Variants in CLEC2A observed in about 807,000 individuals in gnomAD.
The protein encoded by CLEC2A is keratinocyte-associated C-type lectin.
In CLEC2A, 19 loss-of-function variants were observed where a neutral mutation model predicts 18.6. The ratio of observed to expected loss-of-function variants is 1.02; its 90% CI spans 0.71 to 1.50. CLEC2A has a LOEUF of 1.50. Among genes scored for constraint, CLEC2A ranks in the 40% most tolerant of loss-of-function variants. The pLI, the probability that CLEC2A is intolerant of heterozygous loss-of-function variation, is 0.00. For synonymous variants in CLEC2A, 74 were observed against 64.0 expected (o/e 1.16, Z -0.75); for missense variants, 190 against 207.9 (o/e 0.91, Z 0.53).
downstream of CLEC2A, among the ~76,000 whole-genome samples, chr12:9,909,307 AT>A (rs1463986252): frequency 6.6e-6 from 1 of 152,020 alleles, no homozygotes; most frequent in Non-Finnish European, 1.5e-5. Context: ...CTATGTTGTT[AT>A]TGTCCCACCA....
intron 2 of CLEC2A, among the ~76,000 whole-genome samples, chr12:9,924,094 T>C (rs1433539500): frequency 6.6e-6 from 1 of 151,952 alleles, no homozygotes; most frequent in Non-Finnish European, 1.5e-5. Flanking sequence ...TGTGCACATG[T>C]ACCCTAGAAC....
At chr12:9,900,241 G>A (rs1375917624) in intron 4 of CLEC2A, among the ~76,000 whole-genome samples, 4 of 152,074 alleles carry the variant, frequency 2.6e-5, no homozygotes, top group South Asian at 2.1e-4. Flanking sequence ...AGATTTTCAC[G>A]TTACCCATCC....
chr12:9,889,274 T>A, the CLEC2A span, among the ~76,000 whole-genome samples: 1 of 152,340 alleles, frequency 6.6e-6, no homozygotes, highest in African/African-American at 2.4e-5. Context: ...TTAAACAAAC[T>A]GTGATGATTA....
rs1862927898 is a variant in CLEC2A at position 9,907,911 on chromosome 12, G to A, written c.410+8789C>T. ...TACTGTAAACCATTGATGGTCACGTGGGATTTTGCTGAGGATGGTGTAAGG... is the reference window on the plus strand; with the variant it reads ...TACTGTAAACCATTGATGGTCACGTAGGATTTTGCTGAGGATGGTGTAAGG... On this transcript the variant is annotated intron_variant, in intron 4 of 4. Coordinates refer to the CLEC2A transcript ENST00000339766. Among the ~76,000 whole-genome samples the A allele has an allele frequency of 3.3e-5, 5 of 152,162 alleles. No individual in the cohort carries two copies. The South Asian group carries it at 6.2e-4, about 19-fold the overall frequency.
chr12:9,917,266 A>G (rs1290032723), intron 3 of CLEC2A, among the ~76,000 whole-genome samples: 1 of 152,166 alleles, frequency 6.6e-6, no homozygotes, highest in Middle Eastern at 3.2e-3. Flanking sequence ...GGTTTGTTAC[A>G]GAGGTAGACT....
intron 1 of CLEC2A, among the ~76,000 whole-genome samples, chr12:9,930,895 G>A (rs1047522319): frequency 7.9e-5 from 12 of 151,270 alleles, no homozygotes; most frequent in South Asian, 2.1e-4. Flanking sequence ...CTTAATCAGC[G>A]TCCATTCTAT....
At chr12:9,886,574 G>A in the CLEC2A span, among the ~76,000 whole-genome samples, 1 of 151,880 alleles carries the variant, frequency 6.6e-6, no homozygotes, top group African/African-American at 2.4e-5. Flanking sequence ...GGTAAATGGA[G>A]GTCTAAAACA....
the CLEC2A span, chr12:9,885,010 A>G: frequency 7.6e-7 from 1 of 1,312,522 alleles, no homozygotes; most frequent in Non-Finnish European, 9.8e-7. Context: ...TCATTATGAC[A>G]GGGATTGACC....
At chr12:9,927,973 A>G (rs2137056357) in intron 1 of CLEC2A, among the ~76,000 whole-genome samples, 1 of 152,286 alleles carries the variant, frequency 6.6e-6, no homozygotes, top group East Asian at 1.9e-4. Context: ...ACAATTGAGA[A>G]AAAAAGGCTT....
intron 4 of CLEC2A, among the ~76,000 whole-genome samples, chr12:9,904,370 C>T (rs1862876551): frequency 6.6e-6 from 1 of 152,192 alleles, no homozygotes; most frequent in Non-Finnish European, 1.5e-5. Flanking sequence ...GGCCTCTGGC[C>T]TGCAGTGCAC....
downstream of CLEC2A, among the ~76,000 whole-genome samples, chr12:9,909,480 G>A (rs1035845666): frequency 3.3e-5 from 5 of 152,174 alleles, no homozygotes; most frequent in Non-Finnish European, 7.3e-5. Flanking sequence ...TATATAACTG[G>A]GGTCCTAGAA....
chr12:9,904,673 C>T (rs192058170), intron 4 of CLEC2A, among the ~76,000 whole-genome samples: 43 of 152,222 alleles, frequency 2.8e-4, no homozygotes, highest in African/African-American at 9.9e-4. Flanking sequence ...TATGGGGTCT[C>T]GTCCTGTAAC....
chr12:9,889,115 G>A, the CLEC2A span, among the ~76,000 whole-genome samples: 28 of 152,352 alleles, frequency 1.8e-4, no homozygotes, highest in East Asian at 3.9e-4. Context: ...GCTGTAGTGC[G>A]AAGAGTGTGG....
intron 1 of CLEC2A, among the ~76,000 whole-genome samples, chr12:9,931,489 AT>A (rs1863374713): frequency 6.6e-6 from 1 of 152,166 alleles, no homozygotes; most frequent in African/African-American, 2.4e-5. Flanking sequence ...GCTGCTAGAA[AT>A]GCTGTAGCTA....
In CLEC2A at chr12:9,927,728, C is replaced by G. The variant is rs73247992; in HGVS notation, c.56-1385G>C. 7.8e-3 allele frequency among the ~76,000 whole-genome samples: 1,191 copies of G among 152,058 alleles called. 20 individuals are homozygous for G. Among genetic ancestry groups the G allele is most frequent in the African/African-American group, 0.027 (1,128 of 41,458 alleles). ...ATTTCAAGACTGGATTGAGAGAAGC[C>G]AGATTCTGAGATGTTTACAAAGAGA... On this transcript the variant is annotated intron_variant, in intron 1 of 4. Transcript: ENST00000455827.
At chr12:9,929,148 A>G (rs1863330110) in intron 1 of CLEC2A, among the ~76,000 whole-genome samples, 1 of 152,182 alleles carries the variant, frequency 6.6e-6, no homozygotes. Flanking sequence ...TATTATTTTT[A>G]ATAGTTTTCT....
At chr12:9,888,682 T>G in the CLEC2A span, 1 of 1,017,240 alleles carries the variant, frequency 9.8e-7, no homozygotes, top group Non-Finnish European at 1.5e-6. Context: ...GTACCTAGAT[T>G]GCTATTGATT....
the CLEC2A span, among the ~76,000 whole-genome samples, chr12:9,887,925 G>C: frequency 6.6e-6 from 1 of 151,282 alleles, no homozygotes; most frequent in Non-Finnish European, 1.5e-5. Context: ...GTGTGGAAGT[G>C]TGCGCCTGTA....
chr12:9,912,418 C>T (rs184977683), downstream of CLEC2A, among the ~76,000 whole-genome samples: 223 of 152,248 alleles, frequency 1.5e-3, no homozygotes, highest in African/African-American at 5.2e-3. Flanking sequence ...CTTAGAGTGA[C>T]AGGGTTTGGG....
Sources: allele counts gnomAD v4.1 joint callset (sites outside exome capture counted in the v4.1 genomes callset), GRCh38; gene constraint gnomAD v4.1.1; transcripts MANE v1.5; gene names NCBI Gene and HGNC (gene_info 2026-07-23, HGNC 2026-07-21).